ADIPOR2: variants seen among roughly 807,000 people sequenced by gnomAD.
ADIPOR2 encodes the protein adiponectin receptor 2, also known as adiponectin receptor protein 2.
Under a neutral mutation model 40.9 loss-of-function variants are expected in ADIPOR2, and 18 were observed. That is an observed-to-expected ratio of 0.44 (90% CI 0.30 to 0.65). The LOEUF (loss-of-function observed/expected upper bound fraction) is 0.65, where lower values mean the gene tolerates loss of function less well. Among genes scored for constraint, ADIPOR2 ranks in the 30% least tolerant of loss-of-function variants. ADIPOR2 has a pLI of 0.09. For missense variants in ADIPOR2, 283 were observed against 479.2 expected (o/e 0.59, Z 3.82); for synonymous variants, 165 against 166.4 (o/e 0.99, Z 0.06).
intron 1 of ADIPOR2, among the ~76,000 whole-genome samples, chr12:1,707,131 T>G (rs941296192): frequency 2.6e-5 from 4 of 152,244 alleles, no homozygotes; most frequent in African/African-American, 9.6e-5. Flanking sequence ...CTGAGTAGTA[T>G]TCACTGTGGT....
At chr12:1,712,912 G>C (rs929303745) in intron 1 of ADIPOR2, among the ~76,000 whole-genome samples, 1 of 152,150 alleles carries the variant, frequency 6.6e-6, no homozygotes. Flanking sequence ...CTGGGCCTTT[G>C]ATTTAGATGC....
intron 1 of ADIPOR2, among the ~76,000 whole-genome samples, chr12:1,752,945 G>A (rs1042009823): frequency 2.0e-5 from 3 of 152,112 alleles, no homozygotes; most frequent in Non-Finnish European, 4.4e-5. Flanking sequence ...TACATGCCCA[G>A]GTTTGGTATT....
At chr12:1,781,707 G>A (rs943381008) in intron 6 of ADIPOR2, among the ~76,000 whole-genome samples, 2 of 152,150 alleles carry the variant, frequency 1.3e-5, no homozygotes, top group Admixed American at 1.3e-4. Context: ...CTCCTACTCA[G>A]TGTCAAGCTC....
intron 2 of ADIPOR2, among the ~76,000 whole-genome samples, chr12:1,768,196 G>A (rs1348232848): frequency 6.6e-6 from 1 of 152,144 alleles, no homozygotes; most frequent in Non-Finnish European, 1.5e-5. Flanking sequence ...ATTGTGGATG[G>A]TAGATAGTAT....
intron 1 of ADIPOR2, among the ~76,000 whole-genome samples, chr12:1,746,419 C>T (rs542585223): frequency 3.8e-4 from 58 of 151,962 alleles, no homozygotes; most frequent in Non-Finnish European, 7.4e-4. Context: ...ACCAGGGAGA[C>T]GGAGGTTGCA....
chr12:1,717,269 T>C (rs1160454871), intron 1 of ADIPOR2, among the ~76,000 whole-genome samples: 1 of 152,252 alleles, frequency 6.6e-6, no homozygotes, highest in Non-Finnish European at 1.5e-5. Flanking sequence ...TTTAAAATTT[T>C]CTGAGTCACT....
In ADIPOR2 at chr12:1,786,335, T is replaced by G. The variant is rs1862834529; in HGVS notation, c.*263T>G. 1 of 407,164 alleles carries G rather than the reference T, an allele frequency of 2.5e-6. No individual in the cohort carries two copies. The highest frequency in any genetic ancestry group is 4.4e-6 in the Non-Finnish European group (1 of 229,502). 25.2% of individuals were successfully genotyped at this position (407,164 alleles called of 1,614,324 possible). ...TGGCTTATTCTTGGGATCTACTGATTGCGGGCTCTGCAAGACCCTTGGCAA... is the reference window on the plus strand; with the variant it reads ...TGGCTTATTCTTGGGATCTACTGATGGCGGGCTCTGCAAGACCCTTGGCAA... On this transcript the variant is annotated 3_prime_UTR_variant, in exon 8 of 8. Coordinates refer to ENST00000357103, the MANE Select transcript of ADIPOR2 (RefSeq NM_024551.3).
At chr12:1,754,881 A>G (rs1398179444) in intron 2 of ADIPOR2, among the ~76,000 whole-genome samples, 1 of 61,736 alleles carries the variant, frequency 1.6e-5, no homozygotes, top group African/African-American at 3.5e-5. Flanking sequence ...TGCCAGGCTA[A>G]TTTTTGTAGC....
At chr12:1,726,389 G>C (rs1358072479) in intron 1 of ADIPOR2, among the ~76,000 whole-genome samples, 1 of 152,094 alleles carries the variant, frequency 6.6e-6, no homozygotes, top group African/African-American at 2.4e-5. Flanking sequence ...GTAGAGACGG[G>C]GTTTCACCAT....
At chr12:1,728,863 T>A (rs2094713584) in intron 1 of ADIPOR2, among the ~76,000 whole-genome samples, 1 of 152,110 alleles carries the variant, frequency 6.6e-6, no homozygotes, top group African/African-American at 2.4e-5. Context: ...ATTGATAGTC[T>A]GGTCTTTCCA....
intron 1 of ADIPOR2, among the ~76,000 whole-genome samples, chr12:1,691,841 CT>C (rs2094627798): frequency 6.6e-6 from 1 of 152,098 alleles, no homozygotes; most frequent in South Asian, 2.1e-4. Context: ...ACTGTTAGCT[CT>C]TTTTTCCTCC....
intron 6 of ADIPOR2, among the ~76,000 whole-genome samples, chr12:1,782,170 A>G (rs1862731736): frequency 6.6e-6 from 1 of 152,234 alleles, no homozygotes; most frequent in African/African-American, 2.4e-5. Context: ...GAGCAGAGGT[A>G]GGAAATAGTT....
At chr12:1,748,341 C>A (rs186821542) in intron 1 of ADIPOR2, among the ~76,000 whole-genome samples, 1 of 151,982 alleles carries the variant, frequency 6.6e-6, no homozygotes, top group Admixed American at 6.6e-5. Context: ...CTCCGCCTCC[C>A]GGGTTCACGC....
At chr12:1,691,387 T>C (rs2094626542) in intron 1 of ADIPOR2, among the ~76,000 whole-genome samples, 196 bp downstream of exon 1, 1 of 152,178 alleles carries the variant, frequency 6.6e-6, no homozygotes, top group Non-Finnish European at 1.5e-5. Flanking sequence ...CGCCTTGGCC[T>C]GAGGGTCGGC....
chr12:1,735,736 C>G (rs1245039786), intron 1 of ADIPOR2, among the ~76,000 whole-genome samples: 1 of 152,192 alleles, frequency 6.6e-6, no homozygotes, highest in Non-Finnish European at 1.5e-5. Context: ...GTGGGTTTGT[C>G]ATAAATAGCT....
intron 1 of ADIPOR2, among the ~76,000 whole-genome samples, chr12:1,702,372 A>G (rs958347059): frequency 6.6e-6 from 1 of 152,154 alleles, no homozygotes; most frequent in African/African-American, 2.4e-5. Flanking sequence ...TTTTAGCTGT[A>G]TTGGATATTG....
intron 4 of ADIPOR2, among the ~76,000 whole-genome samples, chr12:1,779,077 T>C (rs1862658770): frequency 6.6e-6 from 1 of 152,220 alleles, no homozygotes; most frequent in South Asian, 2.1e-4. Context: ...CTTTCATACG[T>C]TGCCAGTAGG....
intron 6 of ADIPOR2, among the ~76,000 whole-genome samples, chr12:1,782,557 T>C (rs2154444488): frequency 6.6e-6 from 1 of 152,334 alleles, no homozygotes; most frequent in South Asian, 2.1e-4. Context: ...CCTGAACACG[T>C]GTATCTATAC....
chr12:1,766,034 G>A (rs1326766550), intron 2 of ADIPOR2, among the ~76,000 whole-genome samples: 1 of 152,056 alleles, frequency 6.6e-6, no homozygotes, highest in Admixed American at 6.5e-5. Flanking sequence ...ACCATGTGTT[G>A]GCACTTTGGA....
Sources: allele counts gnomAD v4.1 joint callset (sites outside exome capture counted in the v4.1 genomes callset), GRCh38; gene constraint gnomAD v4.1.1; transcripts MANE v1.5; gene names NCBI Gene and HGNC (gene_info 2026-07-23, HGNC 2026-07-21).